Variants in MBD5 observed in about 807,000 individuals in gnomAD.
MBD5 encodes the protein methyl-CpG binding domain protein 5, also known as methyl-CpG-binding domain protein 5.
In MBD5, 13 loss-of-function variants were observed where a neutral mutation model predicts 117.3. The ratio of observed to expected loss-of-function variants is 0.11; its 90% CI spans 0.07 to 0.18. The LOEUF is 0.18. Ranked by LOEUF, MBD5 falls within the 10% of genes least tolerant of loss-of-function variation. The probability of loss-of-function intolerance (pLI) is 1.00; values close to 1 mark genes in which losing one functional copy is unlikely to be tolerated. For missense variants in MBD5, 1,879 were observed against 2,093.8 expected, an observed-to-expected ratio of 0.90 and a Z score of 2.00; for synonymous variants, 727 against 766.4, an observed-to-expected ratio of 0.95 and a Z score of 0.85.
At chr2:148,414,506 C>T (rs1705362018) in intron 4 of MBD5, among the ~76,000 whole-genome samples, 1 of 152,060 alleles carries the variant, frequency 6.6e-6, no homozygotes, top group Non-Finnish European at 1.5e-5. Flanking sequence ...GTTCAGGTCC[C>T]AGATATCTTT....
intron 3 of MBD5, among the ~76,000 whole-genome samples, chr2:148,282,906 C>A (rs566666029): frequency 6.6e-4 from 96 of 145,742 alleles, no homozygotes; most frequent in Non-Finnish European, 1.2e-3. Context: ...ACCGCCCCCC[C>A]CCATCAGATG....
At chr2:148,441,299 A>ACC (rs1462733004) in intron 4 of MBD5, among the ~76,000 whole-genome samples, 1 of 151,552 alleles carries the variant, frequency 6.6e-6, no homozygotes, top group African/African-American at 2.4e-5. Flanking sequence ...TGTTCCCCTT[A>ACC]CTGTGTCCAT....
At chr2:148,459,255 C>A (rs1386231726) in intron 5 of MBD5, among the ~76,000 whole-genome samples, 1 of 151,916 alleles carries the variant, frequency 6.6e-6, no homozygotes, top group Non-Finnish European at 1.5e-5. Flanking sequence ...GAGTTTTTAT[C>A]CATAGAAAGT....
At chr2:148,140,491 T>G (rs1697286883) in intron 1 of MBD5, among the ~76,000 whole-genome samples, 1 of 152,208 alleles carries the variant, frequency 6.6e-6, no homozygotes, top group African/African-American at 2.4e-5. Flanking sequence ...ATTCTCCCAT[T>G]TAGTTAATCT....
rs555619805 is a variant in MBD5, at chr2:148,444,615, G to A, written c.-556-13588G>A. On this transcript the variant is annotated intron_variant, in intron 4 of 13. Coordinates refer to ENST00000642680, the MANE Select transcript of MBD5 (RefSeq NM_001378120.1). Reference sequence around the variant, plus strand: ...TTTCAGAAATGAGATCATTTGCAAAGATTAGGCGAAGTTTCAGGTCTCCCA... The same window carrying A: ...TTTCAGAAATGAGATCATTTGCAAAAATTAGGCGAAGTTTCAGGTCTCCCA... 1.1e-3 allele frequency among the ~76,000 whole-genome samples: 172 copies of A among 151,240 alleles called. 1 individual carries two copies. Among genetic ancestry groups the A allele is most frequent in the East Asian group, 3.1e-3 (16 of 5,176 alleles).
intron 1 of MBD5, among the ~76,000 whole-genome samples, chr2:148,134,400 C>A (rs952387623): frequency 6.6e-6 from 1 of 152,054 alleles, no homozygotes; most frequent in African/African-American, 2.4e-5. Flanking sequence ...CTTTTTAACC[C>A]AATCTGAAAT....
Position 148,463,626 on chromosome 2 carries a change from GT to G in MBD5, c.217-109del. The G allele has an allele frequency of 3.1e-6, 4 of 1,311,158 alleles. No individual in the cohort carries two copies. In the South Asian group the frequency reaches 5.1e-5, roughly 17 times the overall value. The allele number at this position is 1,311,158 out of a possible 1,614,324, so 81.2% of individuals were successfully genotyped here. A position where few individuals can be genotyped will look rare whatever the true frequency, so the allele number is the denominator to read the frequency against. On this transcript the variant is annotated intron_variant, in intron 6 of 13. Coordinates refer to ENST00000642680, the MANE Select transcript of MBD5 (RefSeq NM_001378120.1). ...TTGCCTTTCTTAAAAACTTGAGAAA[GT>G]TTTATTCAGATTTATGGCTTAATCT...
intron 3 of MBD5, among the ~76,000 whole-genome samples, chr2:148,243,214 A>C (rs1458467603): frequency 6.6e-6 from 1 of 152,080 alleles, no homozygotes; most frequent in Admixed American, 6.6e-5. Context: ...CTAAGAAGCA[A>C]AGTATAGTGT....
intron 8 of MBD5, among the ~76,000 whole-genome samples, chr2:148,481,312 T>A (rs1170231354): frequency 6.6e-6 from 1 of 152,292 alleles, no homozygotes; most frequent in South Asian, 2.1e-4. Context: ...ATCCTTGTGT[T>A]ATTCTATTAG....
intron 3 of MBD5, among the ~76,000 whole-genome samples, chr2:148,317,973 T>G (rs1702193421): frequency 2.6e-5 from 4 of 152,324 alleles, no homozygotes; most frequent in African/African-American, 9.6e-5. Context: ...ATATACTCAG[T>G]GGTGGAATTG....
At chr2:148,070,451 C>G (rs1175939991) in intron 1 of MBD5, among the ~76,000 whole-genome samples, 1 of 152,050 alleles carries the variant, frequency 6.6e-6, no homozygotes, top group Admixed American at 6.6e-5. Flanking sequence ...ATTAAGAGAG[C>G]CACTATAAAA....
intron 3 of MBD5, among the ~76,000 whole-genome samples, chr2:148,304,029 A>G (rs930181344): frequency 6.6e-6 from 1 of 152,194 alleles, no homozygotes; most frequent in Non-Finnish European, 1.5e-5. Flanking sequence ...TCAATCTCTC[A>G]GCTGATATTC....
At chr2:148,508,918 A>G (rs116370972) in intron 12 of MBD5, among the ~76,000 whole-genome samples, 46 of 152,324 alleles carry the variant, frequency 3.0e-4, no homozygotes, top group African/African-American at 9.9e-4. Context: ...CAGAAACTCA[A>G]TGTATGCATT....
intron 12 of MBD5, among the ~76,000 whole-genome samples, chr2:148,507,778 T>C (rs1166677806): frequency 6.7e-6 from 1 of 149,714 alleles, no homozygotes; most frequent in African/African-American, 2.5e-5. Flanking sequence ...AAAAAAAAAA[T>C]TCTTGGCACA....
intron 2 of MBD5, among the ~76,000 whole-genome samples, chr2:148,209,536 T>C (rs79741075): frequency 6.6e-6 from 1 of 151,852 alleles, no homozygotes; most frequent in Non-Finnish European, 1.5e-5. Context: ...TTTTTTTTTT[T>C]AATAAATTAC....
At chr2:148,465,837 G>A (rs548920044) in intron 7 of MBD5, among the ~76,000 whole-genome samples, 1 of 152,194 alleles carries the variant, frequency 6.6e-6, no homozygotes, top group South Asian at 2.1e-4. Context: ...ATATTACCGT[G>A]GACATATTCT....
intron 1 of MBD5, among the ~76,000 whole-genome samples, chr2:148,131,120 T>G (rs1294160625): frequency 1.3e-5 from 2 of 152,190 alleles, no homozygotes; most frequent in African/African-American, 4.8e-5. Context: ...ACTAATGCAA[T>G]GATTAATTGT....
intron 3 of MBD5, among the ~76,000 whole-genome samples, chr2:148,323,424 G>A (rs571031025): frequency 7.3e-4 from 111 of 151,858 alleles, no homozygotes; most frequent in East Asian, 6.8e-3. Context: ...TCGCCACACT[G>A]ACTTCCACAA....
chr2:148,147,969 A>G (rs897410924), intron 1 of MBD5, among the ~76,000 whole-genome samples: 11 of 152,158 alleles, frequency 7.2e-5, no homozygotes, highest in African/African-American at 2.4e-4. Context: ...TCCCAGAAAT[A>G]TGTTAGTCGT....
Sources: allele counts gnomAD v4.1 joint callset (sites outside exome capture counted in the v4.1 genomes callset), GRCh38; gene constraint gnomAD v4.1.1; transcripts MANE v1.5; gene names NCBI Gene and HGNC (gene_info 2026-07-23, HGNC 2026-07-21).